Variants in ARID5B observed in about 807,000 individuals in gnomAD.
ARID5B encodes AT-rich interactive domain-containing protein 5B.
A neutral mutation model predicts 97.2 loss-of-function variants in ARID5B; 13 were observed. The ratio of observed to expected loss-of-function variants is 0.13; its 90% CI spans 0.09 to 0.21. The LOEUF (loss-of-function observed/expected upper bound fraction) is 0.21. ARID5B is among the 10% of genes least tolerant of loss of function. ARID5B has a pLI of 1.00. For missense variants in ARID5B, 1,210 were observed against 1,465.3 expected (o/e 0.83, Z 2.84); for synonymous variants, 556 against 570.3 (o/e 0.97, Z 0.36).
chr10:61,933,052 C>G (rs1844238857), intron 2 of ARID5B, among the ~76,000 whole-genome samples: 1 of 152,222 alleles, frequency 6.6e-6, no homozygotes, highest in South Asian at 2.1e-4. Context: ...ACCTGGCCAA[C>G]AGAGCCAGAC....
At chr10:61,932,414 T>C (rs970913619) in intron 2 of ARID5B, among the ~76,000 whole-genome samples, 1 of 126,442 alleles carries the variant, frequency 7.9e-6, no homozygotes, top group Non-Finnish European at 1.6e-5. Flanking sequence ...TTTCTTTTTC[T>C]TTTTTTTTTT....
At chr10:61,934,389 A>G (rs533436824) in intron 2 of ARID5B, among the ~76,000 whole-genome samples, 1 of 152,280 alleles carries the variant, frequency 6.6e-6, no homozygotes, top group East Asian at 1.9e-4. Flanking sequence ...CATTCACAAC[A>G]TGGTTAACTG....
chr10:61,943,103 G>T (rs1844441223), intron 3 of ARID5B, among the ~76,000 whole-genome samples: 1 of 152,174 alleles, frequency 6.6e-6, no homozygotes, highest in African/African-American at 2.4e-5. Flanking sequence ...TTGTAATAAT[G>T]TGGAAAGAGA....
chr10:62,076,554 T>G (rs1840137805), intron 8 of ARID5B, among the ~76,000 whole-genome samples: 2 of 56,788 alleles, frequency 3.5e-5, no homozygotes, highest in African/African-American at 4.9e-5. Context: ...AGAGCGAGAC[T>G]CTGTCTCAAA....
intron 4 of ARID5B, among the ~76,000 whole-genome samples, chr10:62,024,505 A>G (rs1466865863): frequency 2.0e-5 from 3 of 152,238 alleles, no homozygotes; most frequent in Non-Finnish European, 4.4e-5. Context: ...AGGGCAAACC[A>G]TTCATCAAAG....
chr10:61,984,874 AG>A (rs891309988), intron 3 of ARID5B, among the ~76,000 whole-genome samples: 6 of 152,158 alleles, frequency 3.9e-5, no homozygotes, highest in African/African-American at 1.2e-4. Context: ...CAGCAGGGGC[AG>A]GCAGACCCAC....
chr10:61,921,804 T>A (rs560225787), intron 2 of ARID5B, among the ~76,000 whole-genome samples: 5 of 152,242 alleles, frequency 3.3e-5, no homozygotes, highest in Non-Finnish European at 7.4e-5. Context: ...TCTTACTCTG[T>A]TTTACTTTTT....
At chr10:62,007,563 T>G (rs1839161992) in intron 4 of ARID5B, among the ~76,000 whole-genome samples, 1 of 152,200 alleles carries the variant, frequency 6.6e-6, no homozygotes, top group Non-Finnish European at 1.5e-5. Flanking sequence ...AATGAGCTAA[T>G]GAGTAAAAGC....
At chr10:62,079,292 A>G (rs1339788097) in intron 8 of ARID5B, among the ~76,000 whole-genome samples, 1 of 152,144 alleles carries the variant, frequency 6.6e-6, no homozygotes, top group African/African-American at 2.4e-5. Flanking sequence ...AAATTTTGAC[A>G]CTAAATAGCT....
chr10:61,961,846 C>T (rs1186387776), intron 3 of ARID5B, among the ~76,000 whole-genome samples: 1 of 152,144 alleles, frequency 6.6e-6, no homozygotes, highest in African/African-American at 2.4e-5. Flanking sequence ...CTCCCCGGTT[C>T]AAGTGATTCT....
intron 8 of ARID5B, among the ~76,000 whole-genome samples, chr10:62,083,884 C>T (rs1268873814): frequency 2.0e-5 from 3 of 152,278 alleles, no homozygotes; most frequent in Admixed American, 1.3e-4. Flanking sequence ...ACAGATGAGA[C>T]AGAATAAATT....
intron 4 of ARID5B, among the ~76,000 whole-genome samples, chr10:62,039,022 C>G (rs1367305730): frequency 6.6e-6 from 1 of 152,204 alleles, no homozygotes; most frequent in Non-Finnish European, 1.5e-5. Flanking sequence ...TATAGACAGA[C>G]TGGTGCAGAC....
chr10:62,004,372 C>T (rs1383464839), intron 4 of ARID5B, among the ~76,000 whole-genome samples: 2 of 152,140 alleles, frequency 1.3e-5, no homozygotes, highest in African/African-American at 2.4e-5. Context: ...TTTCTTAGCA[C>T]AAGAGAATTG....
intron 2 of ARID5B, among the ~76,000 whole-genome samples, chr10:61,911,327 T>C (rs569902480): frequency 9.2e-5 from 14 of 152,234 alleles, no homozygotes; most frequent in Non-Finnish European, 1.9e-4. Context: ...CTTTTTGTGC[T>C]GCTTGTCCCT....
At chr10:62,025,263 A>T (rs1418572996) in intron 4 of ARID5B, 1 of 152,184 alleles carries the variant, frequency 6.6e-6, no homozygotes, top group Non-Finnish European at 1.5e-5. Flanking sequence ...TTTTCCACAC[A>T]GTTCTTATCT....
chr10:62,017,148 G>A (rs373182988), intron 4 of ARID5B, among the ~76,000 whole-genome samples: 2 of 152,124 alleles, frequency 1.3e-5, no homozygotes, highest in African/African-American at 4.8e-5. Flanking sequence ...GTCTACATAC[G>A]TTTGTATATT....
chr10:62,070,034 A>C, intron 8 of ARID5B, among the ~76,000 whole-genome samples: 1 of 135,630 alleles, frequency 7.4e-6, no homozygotes, highest in African/African-American at 2.5e-5. Flanking sequence ...CCTGCCTGAC[A>C]ATGCCTTTTT....
chr10:61,926,921 G>A (rs913942304), intron 2 of ARID5B, among the ~76,000 whole-genome samples: 2 of 152,136 alleles, frequency 1.3e-5, no homozygotes, highest in African/African-American at 4.8e-5. Flanking sequence ...ACCGTGCCTG[G>A]CCTCAAGCCT....
chr10:61,932,378 G>C (rs993602723), intron 2 of ARID5B, among the ~76,000 whole-genome samples: 2 of 151,610 alleles, frequency 1.3e-5, no homozygotes, highest in African/African-American at 4.8e-5. Flanking sequence ...TAGGGTGACT[G>C]TGGCAATTCC....
Sources: gnomAD v4.1 joint callset for allele counts (sites outside exome capture counted in the v4.1 genomes callset) on GRCh38, gnomAD v4.1.1 for gene constraint, MANE v1.5 for transcripts, NCBI Gene and HGNC (gene_info 2026-07-23, HGNC 2026-07-21) for gene names.